TPD52L1: variants seen among roughly 807,000 people sequenced by gnomAD.
TPD52L1 encodes the protein tumor protein D53.
A neutral mutation model predicts 28.7 loss-of-function variants in TPD52L1; 18 were observed. That is an observed-to-expected ratio of 0.63 (90% CI 0.43 to 0.93). The LOEUF is 0.93. Ranked by LOEUF, TPD52L1 falls within the 40% of genes least tolerant of loss-of-function variation. TPD52L1 has a pLI of 0.00. For synonymous variants in TPD52L1, 75 were observed against 88.8 expected (o/e 0.84, Z 0.88); for missense variants, 203 against 254.8 (o/e 0.80, Z 1.39).
intron 3 of TPD52L1, among the ~76,000 whole-genome samples, chr6:125,245,389 A>G (rs1796866317): frequency 1.3e-5 from 2 of 152,162 alleles, no homozygotes; most frequent in South Asian, 4.1e-4. Flanking sequence ...TGCAGTAGTA[A>G]CAGTGGGATT....
intron 2 of TPD52L1, 41 bp downstream of exon 2, chr6:125,220,234 A>T (rs1423769370): frequency 1.6e-6 from 2 of 1,281,010 alleles, no homozygotes; most frequent in African/African-American, 2.9e-5. Flanking sequence ...CTATCTCTGG[A>T]TCTTAAGAGT....
chr6:125,213,335 G>C (rs1038833604), intron 1 of TPD52L1, among the ~76,000 whole-genome samples: 1 of 152,134 alleles, frequency 6.6e-6, no homozygotes, highest in Non-Finnish European at 1.5e-5. Context: ...TGTGCCTGGT[G>C]TATGGAAGCC....
intron 3 of TPD52L1, among the ~76,000 whole-genome samples, chr6:125,242,206 C>G (rs773611375): frequency 5.9e-5 from 9 of 151,904 alleles, no homozygotes; most frequent in Non-Finnish European, 1.0e-4. Flanking sequence ...TGTTTTGTGG[C>G]CTATCATATG....
chr6:125,181,402 G>A (rs773313736), intron 1 of TPD52L1, among the ~76,000 whole-genome samples: 28 of 152,128 alleles, frequency 1.8e-4, no homozygotes, highest in Non-Finnish European at 3.8e-4. Context: ...GGGGTTTGGC[G>A]ATGGTGTCAA....
chr6:125,209,070 G>A, intron 1 of TPD52L1: 1 of 537,828 alleles, frequency 1.9e-6, no homozygotes, highest in Non-Finnish European at 2.4e-6. Flanking sequence ...CTTGATCTCT[G>A]ATACTGGCCG....
intron 3 of TPD52L1, among the ~76,000 whole-genome samples, chr6:125,244,352 G>A (rs974303658): frequency 2.0e-5 from 3 of 152,176 alleles, no homozygotes; most frequent in African/African-American, 7.2e-5. Flanking sequence ...AATACCCAAT[G>A]GTGGGCTGAG....
rs1342382897 is a variant in TPD52L1, at chr6:125,260,982, A to AAAAGAAAGAAAG, written c.487-1824_487-1813dup. On this transcript the variant is annotated intron_variant, in intron 6 of 6. Coordinates refer to ENST00000534000, the MANE Select transcript of TPD52L1 (RefSeq NM_003287.4). ...AAAGAAAGAAAGAAAGAAAGAAAAG[A>AAAAGAAAGAAAG]AAAGAAAGAAAGAAAGAAAGAAAGA... 5 of 44,762 alleles carry AAAAGAAAGAAAG rather than the reference A, an allele frequency of 1.1e-4. 1 individual carries two copies. The highest frequency in any genetic ancestry group is 3.8e-4 in the African/African-American group (2 of 5,328). The allele number at this position is 44,762 out of a possible 1,614,324, so 2.8% of individuals were successfully genotyped here.
chr6:125,229,091 C>G, intron 2 of TPD52L1, 27 bp from the exon 3 acceptor site: 1 of 1,602,364 alleles, frequency 6.2e-7, no homozygotes, highest in South Asian at 1.1e-5. Flanking sequence ...TGACATTTTC[C>G]CCCACCATTT....
intron 1 of TPD52L1, chr6:125,214,489 T>A: frequency 1.0e-6 from 1 of 979,696 alleles, no homozygotes; most frequent in Non-Finnish European, 1.2e-6. Context: ...CTAAGGGGTA[T>A]CTAAGGGGAA....
chr6:125,262,520 G>A lies in TPD52L1; in HGVS notation c.487-314G>A, dbSNP rs192688402. 3.0e-4 allele frequency: 63 copies of A among 213,002 alleles called. 1 individual carries two copies. In the East Asian group the frequency reaches 4.5e-3, roughly 15 times the overall value. 13.2% of individuals were successfully genotyped at this position (213,002 alleles called of 1,614,324 possible). A position where few individuals can be genotyped will look rare whatever the true frequency, so the allele number is the denominator to read the frequency against. On this transcript the variant is annotated intron_variant, in intron 6 of 6. Coordinates refer to ENST00000534000, the MANE Select transcript of TPD52L1 (RefSeq NM_003287.4). The stretch of plus-strand genomic sequence containing the variant: ...TTTTGATTAGATCAGTTCTCTGGGT[G>A]AGTGGAGATAGCTGTTCCAAGTCCA...
intron 1 of TPD52L1, among the ~76,000 whole-genome samples, chr6:125,203,956 GA>G (rs1447597310): frequency 6.6e-6 from 1 of 152,150 alleles, no homozygotes; most frequent in African/African-American, 2.4e-5. Context: ...GTGGAGCTTA[GA>G]ACATATAACA....
intron 3 of TPD52L1, among the ~76,000 whole-genome samples, chr6:125,239,808 T>C (rs1178834689): frequency 6.6e-6 from 1 of 152,212 alleles, no homozygotes; most frequent in African/African-American, 2.4e-5. Flanking sequence ...GATTATTTCT[T>C]CTGCTGTGCA....
At position 125,262,924 on chromosome 6, in the gene TPD52L1, G is replaced by A; in HGVS notation, c.577G>A (p.Gly193Ser). The A allele has an allele frequency of 1.9e-6, 3 of 1,614,202 alleles. No individual in the cohort carries two copies. Among genetic ancestry groups the A allele is most frequent in the Non-Finnish European group, 1.7e-6 (2 of 1,180,024 alleles). ...TGCCAGTGCCCAGAGCTTGGCAGGAGGCTCCCGGCGGACCAAGGAGGAGGA... is the reference window on the plus strand; with the variant it reads ...TGCCAGTGCCCAGAGCTTGGCAGGAAGCTCCCGGCGGACCAAGGAGGAGGA... ...AHASAQSLAG[G>S]SRRTKEEELQ... Residue 193 changes from glycine (G) to serine (S), a missense_variant, in exon 7 of 7, where the codon GGC (glycine) becomes AGC (serine). Transcript: ENST00000534000.
intron 1 of TPD52L1, among the ~76,000 whole-genome samples, chr6:125,196,777 T>C (rs946363685): frequency 5.3e-5 from 8 of 152,190 alleles, no homozygotes; most frequent in Admixed American, 4.6e-4. Flanking sequence ...GACTTATAAG[T>C]ATGACATGCT....
chr6:125,172,098 CCCTTTCTTTCTTTCTTTCTTTCTT>C (rs1562209674), intron 1 of TPD52L1, among the ~76,000 whole-genome samples: 15 of 77,476 alleles, frequency 1.9e-4, no homozygotes, highest in African/African-American at 1.2e-3. Flanking sequence ...TTCTTTCTTT[CCCTTTCTTTCTTTCTTTCTTTCTT>C]TCTTTCTTTC....
At chr6:125,225,078 C>T (rs1343091383) in intron 2 of TPD52L1, among the ~76,000 whole-genome samples, 1 of 152,204 alleles carries the variant, frequency 6.6e-6, no homozygotes, top group Non-Finnish European at 1.5e-5. Context: ...CTTGATATTT[C>T]ATATAAATGG....
At chr6:125,252,133 A>G in intron 4 of TPD52L1, 1 of 1,371,926 alleles carries the variant, frequency 7.3e-7, no homozygotes, top group East Asian at 2.5e-5. Context: ...TGCCTGAACC[A>G]ACAAAACTAC....
At chr6:125,154,597 C>A (rs1003964565) in intron 1 of TPD52L1, 11 of 936,070 alleles carry the variant, frequency 1.2e-5, no homozygotes, top group Non-Finnish European at 1.4e-5. Flanking sequence ...GGCCCCCGGC[C>A]GCCCAGCTCC....
At chr6:125,164,909 T>C (rs2114752890) in intron 1 of TPD52L1, among the ~76,000 whole-genome samples, 1 of 151,838 alleles carries the variant, frequency 6.6e-6, no homozygotes, top group Admixed American at 6.6e-5. Flanking sequence ...TTACTTCTGT[T>C]GCGAAATGTC....
Sources: allele counts gnomAD v4.1 joint callset (sites outside exome capture counted in the v4.1 genomes callset), GRCh38; gene constraint gnomAD v4.1.1; transcripts MANE v1.5; gene names NCBI Gene and HGNC (gene_info 2026-07-23, HGNC 2026-07-21).